The following ANKS1B variants were observed in gnomAD, a reference collection of about 807,000 sequenced individuals.
The protein encoded by ANKS1B is ankyrin repeat and sterile alpha motif domain-containing protein 1B.
Under a neutral mutation model 148.3 loss-of-function variants are expected in ANKS1B, and 36 were observed. The ratio of observed to expected loss-of-function variants is 0.24; its 90% CI spans 0.19 to 0.32. The LOEUF (loss-of-function observed/expected upper bound fraction) is 0.32. ANKS1B is among the 10% of genes least tolerant of loss of function. The pLI, the probability that ANKS1B is intolerant of heterozygous loss-of-function variation, is 1.00. For missense variants in ANKS1B, 1,157 were observed against 1,542.6 expected, an observed-to-expected ratio of 0.75 and a Z score of 4.19; for synonymous variants, 542 against 560.8, an observed-to-expected ratio of 0.97 and a Z score of 0.47.
At position 99,055,487 on chromosome 12, in the gene ANKS1B, C is replaced by A. The variant is rs1243851483; in HGVS notation, c.2626-2178G>T. Among the ~76,000 whole-genome samples the A allele has an allele frequency of 3.3e-5, 5 of 152,282 alleles. No individual in the cohort carries two copies. The East Asian group carries it at 7.7e-4, about 24-fold the overall frequency. On this transcript the variant is annotated intron_variant, in intron 16 of 26. Coordinates refer to ENST00000683438, the MANE Select transcript of ANKS1B (RefSeq NM_001352186.2). ...CAATGGGGTTACCACAGGTTACCCC[C>A]AAGCACTTACACAACACTCTTTTGA...
At chr12:99,724,773 C>T (rs570868906) in intron 8 of ANKS1B, among the ~76,000 whole-genome samples, 10 of 152,210 alleles carry the variant, frequency 6.6e-5, no homozygotes, top group African/African-American at 2.4e-4. Context: ...CCAGGTCACC[C>T]ACAAAGGGAA....
chr12:99,526,830 T>C (rs978081961), intron 9 of ANKS1B, among the ~76,000 whole-genome samples: 10 of 152,156 alleles, frequency 6.6e-5, no homozygotes, highest in African/African-American at 2.2e-4. Context: ...CCCCAGTACA[T>C]AAGAATGTGA....
chr12:99,518,333 T>G (rs1207821395), intron 9 of ANKS1B, among the ~76,000 whole-genome samples: 1 of 152,122 alleles, frequency 6.6e-6, no homozygotes, highest in Non-Finnish European at 1.5e-5. Context: ...AGTGAAGCCA[T>G]CAGGTCCTAG....
chr12:99,083,393 C>T (rs2153623375), intron 16 of ANKS1B, among the ~76,000 whole-genome samples: 1 of 152,140 alleles, frequency 6.6e-6, no homozygotes, highest in African/African-American at 2.4e-5. Flanking sequence ...TTCAACTTTC[C>T]CTCCTTCTAA....
chr12:98,772,417 G>C (rs771438112), intron 25 of ANKS1B, among the ~76,000 whole-genome samples: 2 of 152,162 alleles, frequency 1.3e-5, no homozygotes, highest in African/African-American at 4.8e-5. Flanking sequence ...TGCTAATAAA[G>C]ACGTACCCAA....
chr12:99,523,744 G>A (rs563283379), intron 9 of ANKS1B, among the ~76,000 whole-genome samples: 155 of 151,992 alleles, frequency 1.0e-3, no homozygotes, highest in African/African-American at 3.6e-3. Flanking sequence ...AGTAAAGACA[G>A]GGTCTCACCC....
chr12:99,588,980 G>A (rs1162561015), intron 9 of ANKS1B, among the ~76,000 whole-genome samples: 2 of 152,146 alleles, frequency 1.3e-5, no homozygotes, highest in African/African-American at 4.8e-5. Flanking sequence ...TCTGGACAGT[G>A]AGGCTTGTTA....
intron 12 of ANKS1B, among the ~76,000 whole-genome samples, chr12:99,346,582 A>G (rs571861951): frequency 2.0e-5 from 3 of 152,090 alleles, no homozygotes; most frequent in Admixed American, 6.6e-5. Flanking sequence ...GGAGACTCCA[A>G]TAGCCTTACT....
At chr12:98,913,312 C>T (rs1273992971) in intron 17 of ANKS1B, among the ~76,000 whole-genome samples, 3 of 152,132 alleles carry the variant, frequency 2.0e-5, no homozygotes, top group African/African-American at 7.2e-5. Flanking sequence ...TAGCTTGGAC[C>T]TCAACCCCTC....
At chr12:99,928,039 T>C (rs1448258472) in intron 1 of ANKS1B, among the ~76,000 whole-genome samples, 1 of 152,048 alleles carries the variant, frequency 6.6e-6, no homozygotes, top group Non-Finnish European at 1.5e-5. Flanking sequence ...AAATTCATTA[T>C]CTTCTTATAG....
chr12:98,902,923 TGTAA>T (rs1285932884), intron 17 of ANKS1B, among the ~76,000 whole-genome samples: 2 of 152,214 alleles, frequency 1.3e-5, no homozygotes, highest in Admixed American at 6.5e-5. Flanking sequence ...TTATCAGCTG[TGTAA>T]GTGAGGAGGA....
intron 17 of ANKS1B, among the ~76,000 whole-genome samples, chr12:98,995,057 C>T (rs1022643547): frequency 6.6e-6 from 1 of 152,020 alleles, no homozygotes; most frequent in South Asian, 2.1e-4. Flanking sequence ...GCTATTTTAG[C>T]CAAGAAAATT....
intron 17 of ANKS1B, among the ~76,000 whole-genome samples, chr12:98,970,974 TC>T (rs748262493): frequency 2.4e-4 from 37 of 152,026 alleles, no homozygotes; most frequent in Admixed American, 9.2e-4. Context: ...GAATATGACC[TC>T]CCCCCACCCC....
At chr12:98,734,855 G>C (rs1489511467) in exon 10 of ANKS1B, 1 of 243,830 alleles carries the variant, frequency 4.1e-6, no homozygotes, top group African/African-American at 2.2e-5. Context: ...TGTAGGCAGA[G>C]TATAAAGTAT....
intron 10 of ANKS1B, among the ~76,000 whole-genome samples, chr12:99,469,484 C>T (rs1029645532): frequency 2.0e-5 from 3 of 151,806 alleles, no homozygotes; most frequent in Non-Finnish European, 4.4e-5. Context: ...CCTCTTTTAC[C>T]TCATTATGAT....
intron 16 of ANKS1B, chr12:99,083,726 T>G (rs1034291060): frequency 6.6e-6 from 1 of 152,170 alleles, no homozygotes; most frequent in African/African-American, 2.4e-5. Flanking sequence ...CCCATTGGAT[T>G]TTAAATGTCT....
At chr12:98,816,744 C>G (rs762871508) in intron 19 of ANKS1B, among the ~76,000 whole-genome samples, 2 of 152,120 alleles carry the variant, frequency 1.3e-5, no homozygotes, top group Non-Finnish European at 2.9e-5. Flanking sequence ...TTTTAATCAA[C>G]GTTTATGGCA....
At chr12:99,472,310 A>G (rs1248899219) in intron 10 of ANKS1B, among the ~76,000 whole-genome samples, 1 of 152,044 alleles carries the variant, frequency 6.6e-6, no homozygotes, top group Non-Finnish European at 1.5e-5. Flanking sequence ...TGTTTCTTCC[A>G]TCATTTCTTC....
chr12:99,791,608 T>TC (rs2065661571), intron 4 of ANKS1B, among the ~76,000 whole-genome samples: 1 of 151,870 alleles, frequency 6.6e-6, no homozygotes, highest in Non-Finnish European at 1.5e-5. Context: ...AAGAGAAATT[T>TC]TGGAAACTAT....
Sources: allele counts gnomAD v4.1 joint callset (sites outside exome capture counted in the v4.1 genomes callset), GRCh38; gene constraint gnomAD v4.1.1; transcripts MANE v1.5; gene names NCBI Gene and HGNC (gene_info 2026-07-23, HGNC 2026-07-21).